The following XKR9 variants were observed in gnomAD, a reference collection of about 807,000 sequenced individuals.
XKR9 encodes XK-related protein 9.
Under a neutral mutation model 32.0 loss-of-function variants are expected in XKR9, and 32 were observed. The observed-to-expected ratio is 1.00, with a 90% CI of 0.76 to 1.34. The LOEUF is 1.34. XKR9 is among the 40% of genes most tolerant of loss of function. XKR9 has a pLI of 0.00. For missense variants in XKR9, 546 were observed against 429.7 expected, an observed-to-expected ratio of 1.27 and a Z score of -2.39; for synonymous variants, 168 against 143.4, an observed-to-expected ratio of 1.17 and a Z score of -1.22.
intron 3 of XKR9, among the ~76,000 whole-genome samples, chr8:70,789,663 G>T (rs1807737730): frequency 6.6e-6 from 1 of 151,930 alleles, no homozygotes; most frequent in African/African-American, 2.4e-5. Context: ...AGAAATCTCA[G>T]ACTCATCTCA....
the XKR9 span, among the ~76,000 whole-genome samples, chr8:70,880,852 C>T: frequency 2.0e-5 from 3 of 152,256 alleles, no homozygotes; most frequent in South Asian, 2.1e-4. Context: ...GGAGGCATCA[C>T]GCTACCTGAC....
the XKR9 span, among the ~76,000 whole-genome samples, chr8:70,994,749 T>G: frequency 0.012 from 429 of 34,852 alleles, 3 homozygotes; most frequent in African/African-American, 0.036. Flanking sequence ...TATATTCTGT[T>G]TTTTTTTTTT....
the XKR9 span, among the ~76,000 whole-genome samples, chr8:71,011,861 C>T: frequency 3.9e-5 from 6 of 152,192 alleles, no homozygotes; most frequent in Non-Finnish European, 7.4e-5. Flanking sequence ...GTCTTTTACA[C>T]ATTTCGCAGC....
chr8:70,881,526 A>T, the XKR9 span, among the ~76,000 whole-genome samples: 2 of 152,216 alleles, frequency 1.3e-5, no homozygotes, highest in African/African-American at 4.8e-5. Flanking sequence ...GCTCATCATC[A>T]CTTGTCATCA....
rs1484825211 is a variant in XKR9 at position 70,671,933 on chromosome 8, A to G, written c.-361+2395A>G. 4.4e-5 allele frequency among the ~76,000 whole-genome samples: 3 copies of G among 67,650 alleles called. 1 individual carries two copies. Among genetic ancestry groups the G allele is most frequent in the Non-Finnish European group, 1.2e-4 (3 of 25,816 alleles). 44.4% of individuals were successfully genotyped at this position (67,650 alleles called of 152,430 possible). A position where few individuals can be genotyped will look rare whatever the true frequency, so the allele number is the denominator to read the frequency against. ...ATTCTTATACACCAACAACAGACAA[A>G]CAGAGAGCCAAATCATGGGTGAACT... On this transcript the variant is annotated intron_variant, in intron 1 of 4. Coordinates refer to ENST00000408926, the MANE Select transcript of XKR9 (RefSeq NM_001011720.2).
At chr8:70,862,660 T>G in the XKR9 span, among the ~76,000 whole-genome samples, 1 of 151,494 alleles carries the variant, frequency 6.6e-6, no homozygotes, top group Admixed American at 6.6e-5. Flanking sequence ...ATATACTATA[T>G]CTAATAAATG....
chr8:71,026,717 A>G, the XKR9 span, among the ~76,000 whole-genome samples: 9 of 152,182 alleles, frequency 5.9e-5, no homozygotes. Flanking sequence ...TCTTAAAATG[A>G]TATTTATTAT....
At chr8:70,888,524 T>A in the XKR9 span, among the ~76,000 whole-genome samples, 1 of 152,002 alleles carries the variant, frequency 6.6e-6, no homozygotes, top group Non-Finnish European at 1.5e-5. Context: ...TATAAAATCT[T>A]TACACAGACC....
the XKR9 span, among the ~76,000 whole-genome samples, chr8:70,901,329 T>C: frequency 6.6e-6 from 1 of 152,230 alleles, no homozygotes; most frequent in Non-Finnish European, 1.5e-5. Flanking sequence ...TGTTGTTTCC[T>C]GACTTTTTAA....
chr8:70,897,624 G>A, the XKR9 span, among the ~76,000 whole-genome samples: 1 of 152,158 alleles, frequency 6.6e-6, no homozygotes, highest in African/African-American at 2.4e-5. Flanking sequence ...TTTCTTTGAT[G>A]ATCAGTGACT....
downstream of XKR9, among the ~76,000 whole-genome samples, chr8:70,791,374 A>G (rs2130271037): frequency 6.6e-6 from 1 of 152,144 alleles, no homozygotes; most frequent in African/African-American, 2.4e-5. Context: ...TACACAAAGT[A>G]TGGATTAAAA....
At chr8:70,804,766 A>G in the XKR9 span, among the ~76,000 whole-genome samples, 2 of 152,386 alleles carry the variant, frequency 1.3e-5, no homozygotes, top group East Asian at 3.8e-4. Flanking sequence ...GTCAAATAAT[A>G]TGAATGAATA....
chr8:70,722,194 C>T (rs1806306410), intron 4 of XKR9, among the ~76,000 whole-genome samples: 2 of 150,942 alleles, frequency 1.3e-5, no homozygotes, highest in African/African-American at 4.9e-5. Flanking sequence ...CCTATGTGTG[C>T]ACATGAGGCT....
chr8:71,005,111 A>G, the XKR9 span, among the ~76,000 whole-genome samples: 1 of 141,050 alleles, frequency 7.1e-6, no homozygotes, highest in East Asian at 2.1e-4. Flanking sequence ...GATTACAGGT[A>G]TAAGCCACTG....
the XKR9 span, among the ~76,000 whole-genome samples, chr8:70,863,584 A>G: frequency 6.6e-6 from 1 of 152,212 alleles, no homozygotes; most frequent in African/African-American, 2.4e-5. Flanking sequence ...AAATGTTTCA[A>G]GCAAGAGAAA....
the XKR9 span, among the ~76,000 whole-genome samples, chr8:70,799,844 G>T: frequency 1.3e-5 from 2 of 152,066 alleles, no homozygotes; most frequent in Non-Finnish European, 2.9e-5. Flanking sequence ...CTATTTGAAT[G>T]CCTTTTATTT....
chr8:70,850,426 T>G, the XKR9 span, among the ~76,000 whole-genome samples: 1 of 133,116 alleles, frequency 7.5e-6, no homozygotes, highest in Admixed American at 9.1e-5. Context: ...ATCTTGCTAC[T>G]GCACTCCAGC....
At chr8:70,675,255 G>A (rs191504677) in intron 2 of XKR9, among the ~76,000 whole-genome samples, 68 of 152,226 alleles carry the variant, frequency 4.5e-4, no homozygotes, top group African/African-American at 1.5e-3. Flanking sequence ...GCGAAACCCC[G>A]TCTCTACTAA....
chr8:70,915,884 C>T, the XKR9 span, among the ~76,000 whole-genome samples: 30 of 152,210 alleles, frequency 2.0e-4, no homozygotes, highest in African/African-American at 6.0e-4. Context: ...CAGGCTTTTC[C>T]GAAGTCACTC....
Sources: allele counts gnomAD v4.1 joint callset (sites outside exome capture counted in the v4.1 genomes callset), GRCh38; gene constraint gnomAD v4.1.1; transcripts MANE v1.5; gene names NCBI Gene and HGNC (gene_info 2026-07-23, HGNC 2026-07-21).